Variants in PACS2 observed in about 807,000 individuals in gnomAD.
PACS2 encodes phosphofurin acidic cluster sorting protein 2.
In PACS2, 36 loss-of-function variants were observed where a neutral mutation model predicts 113.0. The ratio of observed to expected loss-of-function variants is 0.32; its 90% CI spans 0.24 to 0.42. PACS2 has a LOEUF of 0.42. Ranked by LOEUF, PACS2 falls within the 10% of genes least tolerant of loss-of-function variation. The probability of loss-of-function intolerance (pLI) is 1.00; values close to 1 mark genes in which losing one functional copy is unlikely to be tolerated. For missense variants in PACS2, 1,015 were observed against 1,239.5 expected (o/e 0.82, Z 2.72); for synonymous variants, 589 against 536.1 (o/e 1.10, Z -1.36).
At chr14:105,373,680 C>T (rs1295955228) in intron 8 of PACS2, among the ~76,000 whole-genome samples, 4 of 151,874 alleles carry the variant, frequency 2.6e-5, no homozygotes, top group African/African-American at 7.3e-5. Flanking sequence ...CCCAGCTACT[C>T]GGAAGGCTGA....
At chr14:105,305,856 G>A (rs998295934) in intron 1 of PACS2, among the ~76,000 whole-genome samples, 1 of 152,276 alleles carries the variant, frequency 6.6e-6, no homozygotes, top group Non-Finnish European at 1.5e-5. Flanking sequence ...CCTGTGCCCA[G>A]GGTCCTCTGT....
At position 105,323,747 on chromosome 14, in the gene PACS2, C is replaced by G. The variant is rs1225825962; in HGVS notation, c.119+8710C>G. On this transcript the variant is annotated intron_variant, in intron 1 of 24. Transcript: ENST00000447393. This position sits in a 1 kb window ranked among gnomAD's most constrained non-coding sequence, Gnocchi z 4.1. ...GCTTTCGGAGGTGGTCTGCAGTGAT[C>G]CAGGGAAGATGGGCTGCTCTGAGGG... Among the ~76,000 whole-genome samples the G allele has an allele frequency of 6.6e-6, 1 of 152,086 alleles. No individual in the cohort carries two copies. The highest frequency in any genetic ancestry group is 1.5e-5 in the Non-Finnish European group (1 of 68,016).
At chr14:105,319,575 C>T (rs2058810283) in intron 1 of PACS2, among the ~76,000 whole-genome samples, 1 of 152,174 alleles carries the variant, frequency 6.6e-6, no homozygotes, top group East Asian at 1.9e-4. Flanking sequence ...AACCTAGTAA[C>T]TTATCTATAG....
chr14:105,358,312 C>T lies in PACS2; in HGVS notation c.423+3135C>T, dbSNP rs1257573035. Among the ~76,000 whole-genome samples, 2 of 152,184 alleles carry T rather than the reference C, an allele frequency of 1.3e-5. No individual in the cohort carries two copies. The highest frequency in any genetic ancestry group is 2.1e-4 in the South Asian group (1 of 4,832). ...TCTGGCTGGGACCATCAGGAGTGAC[C>T]GCAGCCCCAGGGCCTGCTGGGCACG... On this transcript the variant is annotated intron_variant, in intron 4 of 24. Transcript: ENST00000447393. This position sits in a 1 kb window ranked among gnomAD's most constrained non-coding sequence, Gnocchi z 4.9.
In PACS2 at chr14:105,330,914, G is replaced by A. The variant is rs1304263985; in HGVS notation, c.119+15877G>A. ...GATGTCAACCTTCTGGGTCCTTGGG[G>A]CCTAGCCTTGCTCTGGTGAACGGCT... On this transcript the variant is annotated intron_variant, in intron 1 of 24. Coordinates refer to ENST00000447393, the MANE Select transcript of PACS2 (RefSeq NM_001100913.3). This position sits in a 1 kb window ranked among gnomAD's most constrained non-coding sequence, Gnocchi z 6.9. Among the ~76,000 whole-genome samples, 2 of 152,092 alleles carry A rather than the reference G, an allele frequency of 1.3e-5. No homozygotes were observed. The highest frequency in any genetic ancestry group is 6.5e-5 in the Admixed American group (1 of 15,272).
intron 22 of PACS2, 48 bp downstream of exon 22, chr14:105,391,814 CATGCTGCCT>C: frequency 1.3e-6 from 2 of 1,532,296 alleles, no homozygotes; most frequent in Non-Finnish European, 1.8e-6. Flanking sequence ...CGCCCCACCA[CATGCTGCCT>C]GATTCAGTCA....
At chr14:105,373,302 C>G (rs905742471) in intron 8 of PACS2, among the ~76,000 whole-genome samples, 1 of 152,184 alleles carries the variant, frequency 6.6e-6, no homozygotes, top group African/African-American at 2.4e-5. Flanking sequence ...TTATACTTCC[C>G]AATTTCAAAA....
intron 2 of PACS2, among the ~76,000 whole-genome samples, chr14:105,351,969 G>C (rs782575218): frequency 6.6e-6 from 1 of 152,266 alleles, no homozygotes; most frequent in African/African-American, 2.4e-5. Context: ...TCCAGCCTGA[G>C]CAACACAGCG....
Position 105,354,746 on chromosome 14 carries a change from C to T in PACS2, c.298-306C>T, listed in dbSNP as rs587612793. On this transcript the variant is annotated intron_variant, in intron 3 of 24. Coordinates refer to ENST00000447393, the MANE Select transcript of PACS2 (RefSeq NM_001100913.3). This position sits in a 1 kb window ranked among gnomAD's most constrained non-coding sequence, Gnocchi z 4.2. Reference sequence around the variant, plus strand: ...GTTTCCGAGTGTCCACAGGCGCGCTCGGCCATCCCGGACACTGCAGCACAT... The same window carrying T: ...GTTTCCGAGTGTCCACAGGCGCGCTTGGCCATCCCGGACACTGCAGCACAT... 9.2e-5 allele frequency among the ~76,000 whole-genome samples: 14 copies of T among 152,358 alleles called. No individual in the cohort carries two copies. Among genetic ancestry groups the T allele is most frequent in the Admixed American group, 5.2e-4 (8 of 15,312 alleles).
chr14:105,339,951 G>C (rs1306931722), intron 1 of PACS2, among the ~76,000 whole-genome samples: 3 of 152,082 alleles, frequency 2.0e-5, no homozygotes, highest in African/African-American at 4.8e-5. Flanking sequence ...GCCAATTTTT[G>C]TATTTTTTGT....
At chr14:105,316,413 C>T (rs987741283) in intron 1 of PACS2, among the ~76,000 whole-genome samples, 4 of 152,354 alleles carry the variant, frequency 2.6e-5, no homozygotes, top group African/African-American at 9.6e-5. Context: ...GGTCCCACAG[C>T]CCCACAGCCC....
At chr14:105,383,245 G>A (rs1555412596) in intron 15 of PACS2, 114 bp from the exon 16 acceptor site, 4 of 1,236,776 alleles carry the variant, frequency 3.2e-6, no homozygotes, top group Non-Finnish European at 4.7e-6. Context: ...GGCAGTTGTG[G>A]CATGAGCGGC....
intron 21 of PACS2, 35 bp from the exon 22 acceptor site, chr14:105,391,596 G>T: frequency 6.3e-7 from 1 of 1,580,406 alleles, no homozygotes. Flanking sequence ...AGAGCAGCAG[G>T]TGGGCTCAGC....
chr14:105,387,178 G>A (rs1555413763), intron 19 of PACS2, among the ~76,000 whole-genome samples: 1 of 152,222 alleles, frequency 6.6e-6, no homozygotes, highest in East Asian at 1.9e-4. Flanking sequence ...ACCCAGAGGA[G>A]GGTCAGTCGG....
intron 24 of PACS2, among the ~76,000 whole-genome samples, chr14:105,394,025 A>C (rs1309378198): frequency 6.8e-6 from 1 of 147,014 alleles, no homozygotes; most frequent in Non-Finnish European, 1.5e-5. Context: ...GTGACAGAGC[A>C]AGACTCCGCC....
chr14:105,304,958 G>A (rs750182146), intron 1 of PACS2, among the ~76,000 whole-genome samples: 16 of 152,250 alleles, frequency 1.1e-4, no homozygotes, highest in Non-Finnish European at 2.2e-4. Context: ...AGATCTGGGT[G>A]GGTACACAGA....
intron 1 of PACS2, among the ~76,000 whole-genome samples, chr14:105,320,104 A>G (rs2058832613): frequency 6.6e-6 from 1 of 152,032 alleles, no homozygotes; most frequent in South Asian, 2.1e-4. Context: ...CAGCCTCCCA[A>G]GTAGCTGGGA....
intron 8 of PACS2, chr14:105,372,725 C>T (rs2061201499): frequency 6.6e-6 from 1 of 152,026 alleles, no homozygotes; most frequent in Non-Finnish European, 1.5e-5. Context: ...CATGGTGAAA[C>T]CCCATCTCTA....
chr14:105,316,283 C>T (rs2058623828), intron 1 of PACS2, among the ~76,000 whole-genome samples: 1 of 152,260 alleles, frequency 6.6e-6, no homozygotes, highest in African/African-American at 2.4e-5. Flanking sequence ...CCGAGCACTG[C>T]AGATGTGCCT....
Sources: allele counts gnomAD v4.1 joint callset (sites outside exome capture counted in the v4.1 genomes callset), GRCh38; gene constraint gnomAD v4.1.1; non-coding constraint Gnocchi (gnomAD v3.1); transcripts MANE v1.5; gene names NCBI Gene and HGNC (gene_info 2026-07-23, HGNC 2026-07-21).